Variants in POU6F2 observed in about 807,000 individuals in gnomAD.
The protein encoded by POU6F2 is POU class 6 homeobox 2.
POU6F2 carries 31 observed loss-of-function variants against 71.3 expected under a neutral mutation model. That is an observed-to-expected ratio of 0.43 (90% CI 0.33 to 0.59). POU6F2 has a LOEUF of 0.59. Ranked by LOEUF, POU6F2 falls within the 20% of genes least tolerant of loss-of-function variation. POU6F2 has a pLI of 0.04. For synonymous variants in POU6F2, 347 were observed against 355.7 expected (o/e 0.98, Z 0.27); for missense variants, 783 against 856.8 (o/e 0.91, Z 1.07).
intron 1 of POU6F2, among the ~76,000 whole-genome samples, chr7:39,081,436 G>C (rs531186413): frequency 1.3e-3 from 201 of 152,290 alleles, no homozygotes; most frequent in Non-Finnish European, 1.9e-3. Context: ...TTTTCCACAT[G>C]GGTATGACTG....
chr7:39,430,752 G>A (rs574559539), intron 6 of POU6F2, among the ~76,000 whole-genome samples: 36 of 152,174 alleles, frequency 2.4e-4, no homozygotes, highest in African/African-American at 7.7e-4. Context: ...TAATCGCACC[G>A]ACACCCTGCC....
At chr7:39,398,862 C>T (rs959056004) in intron 5 of POU6F2, among the ~76,000 whole-genome samples, 1 of 152,188 alleles carries the variant, frequency 6.6e-6, no homozygotes, top group East Asian at 1.9e-4. Flanking sequence ...TATATTATCT[C>T]ATATATTCTT....
chr7:39,116,317 C>A (rs1359698697), intron 2 of POU6F2, among the ~76,000 whole-genome samples: 1 of 151,986 alleles, frequency 6.6e-6, no homozygotes, highest in Non-Finnish European at 1.5e-5. Context: ...CCTAGGAGGT[C>A]GAGGCTGCAG....
chr7:39,260,637 C>T (rs1784118655), intron 4 of POU6F2, among the ~76,000 whole-genome samples: 1 of 151,522 alleles, frequency 6.6e-6, no homozygotes, highest in African/African-American at 2.4e-5. Flanking sequence ...ACACACCACA[C>T]ATACATCACA....
intron 6 of POU6F2, 128 bp downstream of exon 6, chr7:39,406,868 C>G: frequency 3.1e-6 from 4 of 1,298,324 alleles, no homozygotes; most frequent in Middle Eastern, 1.8e-4. Flanking sequence ...TGTTTACTAG[C>G]AATGTCAAGA....
At chr7:39,385,575 G>A (rs556258732) in intron 5 of POU6F2, among the ~76,000 whole-genome samples, 3 of 152,210 alleles carry the variant, frequency 2.0e-5, no homozygotes, top group South Asian at 4.1e-4. Flanking sequence ...GTGTGCCTGA[G>A]CATTGAACTT....
intron 4 of POU6F2, among the ~76,000 whole-genome samples, chr7:39,224,385 A>T (rs941577954): frequency 6.6e-6 from 1 of 152,126 alleles, no homozygotes; most frequent in Non-Finnish European, 1.5e-5. Flanking sequence ...CCAAAAAAAA[A>T]AAAAAGAGGA....
At chr7:39,240,235 A>G (rs1319056736) in intron 4 of POU6F2, among the ~76,000 whole-genome samples, 3 of 152,114 alleles carry the variant, frequency 2.0e-5, no homozygotes, top group Non-Finnish European at 4.4e-5. Flanking sequence ...AATCGGGACA[A>G]GGAAAGGAAA....
intron 6 of POU6F2, among the ~76,000 whole-genome samples, chr7:39,410,789 A>T (rs935434781): frequency 6.6e-6 from 1 of 152,080 alleles, no homozygotes; most frequent in African/African-American, 2.4e-5. Flanking sequence ...AAGAGTTTTG[A>T]CTCATAGTTT....
chr7:39,371,311 C>T (rs1583556752), intron 5 of POU6F2, among the ~76,000 whole-genome samples: 1 of 151,868 alleles, frequency 6.6e-6, no homozygotes, highest in African/African-American at 2.4e-5. Context: ...TCTTGAGTAG[C>T]TGGGACTACA....
chr7:39,327,605 A>G (rs1167943926), intron 4 of POU6F2, among the ~76,000 whole-genome samples: 1 of 152,038 alleles, frequency 6.6e-6, no homozygotes, highest in African/African-American at 2.4e-5. Context: ...TAAAAAAGAA[A>G]AAGAATTTTA....
intron 2 of POU6F2, among the ~76,000 whole-genome samples, chr7:39,100,922 A>G (rs1425963764): frequency 6.6e-6 from 1 of 152,096 alleles, no homozygotes; most frequent in African/African-American, 2.4e-5. Flanking sequence ...ACAGGAATGA[A>G]AATCCACATC....
intron 1 of POU6F2, among the ~76,000 whole-genome samples, chr7:39,013,940 T>G (rs1263828162): frequency 1.3e-5 from 2 of 152,222 alleles, no homozygotes; most frequent in Non-Finnish European, 2.9e-5. Context: ...ATTTATGTAC[T>G]CAGCTTGTCA....
intron 2 of POU6F2, among the ~76,000 whole-genome samples, chr7:39,122,221 A>G (rs556840344): frequency 5.3e-5 from 8 of 152,356 alleles, no homozygotes; most frequent in African/African-American, 1.7e-4. Context: ...TTAAGTCGTG[A>G]GCTTAACTTG....
chr7:39,392,643 C>A (rs1435740454), intron 5 of POU6F2, among the ~76,000 whole-genome samples: 1 of 152,178 alleles, frequency 6.6e-6, no homozygotes, highest in Non-Finnish European at 1.5e-5. Context: ...ACTGCTGTGG[C>A]TTCTTTGCTG....
rs144356989 is a variant in POU6F2, at chr7:39,365,366, C to A, written c.972+25351C>A. Among the ~76,000 whole-genome samples, 433 of 152,278 alleles carry A rather than the reference C, an allele frequency of 2.8e-3. 1 individual carries two copies. Among genetic ancestry groups the A allele is most frequent in the African/African-American group, 1.0e-2 (415 of 41,558 alleles). On this transcript the variant is annotated intron_variant, in intron 5 of 9. Coordinates refer to ENST00000518318, the MANE Select transcript of POU6F2 (RefSeq NM_001370959.1). ...GGAGAATGAAACTGGATCCTCATCT[C>A]TCACCTTATGCAAAAATCAACTCAA... is the stretch of plus-strand genomic sequence containing the variant.
At chr7:39,450,707 A>G (rs755697159) in intron 7 of POU6F2, among the ~76,000 whole-genome samples, 1 of 152,156 alleles carries the variant, frequency 6.6e-6, no homozygotes, top group African/African-American at 2.4e-5. Context: ...CATAACTAAG[A>G]GCTCGGGTCC....
chr7:39,313,026 G>A (rs1479367333), intron 4 of POU6F2, among the ~76,000 whole-genome samples: 1 of 151,620 alleles, frequency 6.6e-6, no homozygotes, highest in Non-Finnish European at 1.5e-5. Flanking sequence ...TGAGAGCCCA[G>A]AGAACGCAGC....
chr7:39,422,310 C>T (rs922042345), intron 6 of POU6F2, among the ~76,000 whole-genome samples: 1 of 152,080 alleles, frequency 6.6e-6, no homozygotes, highest in Non-Finnish European at 1.5e-5. Flanking sequence ...ATTTTCATTT[C>T]CTCCCACTGA....
Sources: allele counts gnomAD v4.1 joint callset (sites outside exome capture counted in the v4.1 genomes callset), GRCh38; gene constraint gnomAD v4.1.1; transcripts MANE v1.5; gene names NCBI Gene and HGNC (gene_info 2026-07-23, HGNC 2026-07-21).